The following LMAN2 variants were observed in gnomAD, a reference collection of about 807,000 sequenced individuals.
The protein encoded by LMAN2 is lectin, mannose binding 2, also known as vesicular integral-membrane protein VIP36.
In LMAN2, 22 loss-of-function variants were observed where a neutral mutation model predicts 39.3. The observed-to-expected ratio is 0.56, with a 90% CI of 0.40 to 0.80. LMAN2 has a LOEUF of 0.80. Ranked by LOEUF, LMAN2 falls within the 30% of genes least tolerant of loss-of-function variation. The pLI is 0.00. For missense variants in LMAN2, 494 were observed against 505.4 expected (o/e 0.98, Z 0.22); for synonymous variants, 207 against 207.8 (o/e 1.00, Z 0.03).
chr5:177,331,812 G>T lies in LMAN2; in HGVS notation c.*274C>A. 2.9e-6 allele frequency: 1 copy of T among 340,316 alleles called. No homozygotes were observed. The allele number at this position is 340,316 out of a possible 1,614,324, so 21.1% of individuals were successfully genotyped here. ...CTCCAGTGTTCAACAGCTGCCTGCAGGGGCCACAGCCCATCTGTAGACACA... is the reference window on the plus strand; with the variant it reads ...CTCCAGTGTTCAACAGCTGCCTGCATGGGCCACAGCCCATCTGTAGACACA... On this transcript the variant is annotated 3_prime_UTR_variant, in exon 8 of 8. Transcript: ENST00000303127.
chr5:177,336,985 CG>C, intron 6 of LMAN2, 150 bp downstream of exon 6: 3 of 633,270 alleles, frequency 4.7e-6, no homozygotes, highest in Admixed American at 2.6e-5. Context: ...AACTGAGGCC[CG>C]GACAGGCCAT....
At chr5:177,349,566 T>G (rs529597893) in intron 2 of LMAN2, among the ~76,000 whole-genome samples, 4 of 152,344 alleles carry the variant, frequency 2.6e-5, no homozygotes, top group Middle Eastern at 3.4e-3. Flanking sequence ...CTCAGTCCTG[T>G]GACATCCTCG....
chr5:177,338,394 G>A (rs11748912), intron 3 of LMAN2, 94 bp downstream of exon 3: 314,653 of 953,532 alleles, frequency 0.33, 57,690 homozygotes, highest in African/African-American at 0.66. Context: ...TGGTCCCCAC[G>A]AGCCACAGGC....
rs780125875 is a variant in LMAN2, at chr5:177,332,158, G to A, written c.999C>T (p.Gly333=). Residue 333 remains glycine, a synonymous_variant, in exon 8 of 8, where the codon GGC becomes GGT. Coordinates refer to ENST00000303127, the MANE Select transcript of LMAN2 (RefSeq NM_006816.3). This position sits in a 1 kb window ranked among gnomAD's most constrained non-coding sequence, Gnocchi z 6.3. ...CCCCCACCACGGCGCAGACAACGAT[G>A]CCCAGGAGAGCGCACAGCAGCAGCA... ...VFLLLLCALL[G]IVVCAVVGAV... 2.5e-6 allele frequency: 4 copies of A among 1,613,654 alleles called. No homozygotes were observed. Among genetic ancestry groups the A allele is most frequent in the Middle Eastern group, 3.3e-4 (2 of 6,058 alleles).
chr5:177,336,152 G>A (rs1233707148), intron 6 of LMAN2, among the ~76,000 whole-genome samples: 1 of 152,234 alleles, frequency 6.6e-6, no homozygotes, highest in Admixed American at 6.5e-5. Flanking sequence ...TGGGGACACA[G>A]GAGGGGGCAC....
intron 6 of LMAN2, among the ~76,000 whole-genome samples, chr5:177,335,512 C>T (rs1372317903): frequency 6.6e-6 from 1 of 152,196 alleles, no homozygotes. Flanking sequence ...TGAGAGCTGC[C>T]ACCGGCCACA....
rs1244852261 is a variant in LMAN2, at chr5:177,351,546, A to C, written c.102T>G (p.Phe34Leu). 6.2e-7 allele frequency: 1 copy of C among 1,614,254 alleles called. No homozygotes were observed. Among genetic ancestry groups the C allele is most frequent in the Admixed American group, 1.7e-5 (1 of 60,036 alleles). ...TCACAGACCCCAACAACAAAAGAAG[A>C]AAGAGAGGTGTAGTGGGGCCAGGGC... ...GPGPGPTTPL[F>L]LLLLLGSVTA... The change falls in exon 1 of 8, where the codon TTT becomes TTG. Residue 34 changes from phenylalanine (F) to leucine (L), a missense_variant. Coordinates refer to ENST00000303127, the MANE Select transcript of LMAN2 (RefSeq NM_006816.3).
intron 7 of LMAN2, among the ~76,000 whole-genome samples, chr5:177,333,482 C>T (rs1488780173): frequency 6.6e-6 from 1 of 152,248 alleles, no homozygotes; most frequent in Non-Finnish European, 1.5e-5. Context: ...CAAAACATTT[C>T]AAAATAATCT....
Position 177,332,325 on chromosome 5 carries a change from G to C in LMAN2, c.911-79C>G. ...GGGCTGCAGGAGGGCAGTGGGGATGGAACAGGACAGCCGGCCACGGTGGGC... is the reference window on the plus strand; with the variant it reads ...GGGCTGCAGGAGGGCAGTGGGGATGCAACAGGACAGCCGGCCACGGTGGGC... On this transcript the variant is annotated intron_variant, in intron 7 of 7. Transcript: ENST00000303127. This position sits in a 1 kb window ranked among gnomAD's most constrained non-coding sequence, Gnocchi z 6.3. 1 of 1,364,700 alleles carries C rather than the reference G, an allele frequency of 7.3e-7. No individual in the cohort carries two copies. Among genetic ancestry groups the C allele is most frequent in the Non-Finnish European group, 1.0e-6 (1 of 984,510 alleles). 84.5% of individuals were successfully genotyped at this position (1,364,700 alleles called of 1,614,324 possible). A position where few individuals can be genotyped will look rare whatever the true frequency, so the allele number is the denominator to read the frequency against.
At position 177,345,140 on chromosome 5, in the gene LMAN2, G is replaced by A. The variant is rs371889618; in HGVS notation, c.315+6033C>T. Among the ~76,000 whole-genome samples, 21 of 146,702 alleles carry A rather than the reference G, an allele frequency of 1.4e-4. No individual in the cohort carries two copies. In the East Asian group the frequency reaches 2.4e-3, roughly 17 times the overall value. On this transcript the variant is annotated intron_variant, in intron 2 of 7. Transcript: ENST00000303127. ...TGGACTGCTTGAGCCCAGAGTTCAC[G>A]ACCAGCCTAGTCAACATGGTGAAAC... is the stretch of plus-strand genomic sequence containing the variant.
At chr5:177,338,991 CA>C (rs1438578808) in intron 2 of LMAN2, among the ~76,000 whole-genome samples, 1 of 152,248 alleles carries the variant, frequency 6.6e-6, no homozygotes, top group Non-Finnish European at 1.5e-5. Context: ...GCAGACGTTA[CA>C]ACTCCTATTT....
chr5:177,350,177 G>A (rs894667858), intron 2 of LMAN2, among the ~76,000 whole-genome samples: 3 of 152,152 alleles, frequency 2.0e-5, no homozygotes, highest in African/African-American at 7.2e-5. Context: ...CAGAGGGGAC[G>A]GGCAGACCAG....
At chr5:177,342,257 G>A (rs1761564973) in intron 2 of LMAN2, among the ~76,000 whole-genome samples, 1 of 152,152 alleles carries the variant, frequency 6.6e-6, no homozygotes, top group Non-Finnish European at 1.5e-5. Context: ...TGTAGTCCCA[G>A]CACCTTGGGA....
At chr5:177,336,682 T>TA (rs1412742629) in intron 6 of LMAN2, among the ~76,000 whole-genome samples, 3 of 152,188 alleles carry the variant, frequency 2.0e-5, no homozygotes, top group Non-Finnish European at 4.4e-5. Context: ...ATGGGCAAGA[T>TA]GTGGCCTCAG....
At chr5:177,350,148 G>T (rs1761699046) in intron 2 of LMAN2, among the ~76,000 whole-genome samples, 1 of 152,308 alleles carries the variant, frequency 6.6e-6, no homozygotes, top group Admixed American at 6.5e-5. Flanking sequence ...GAGGCTCGGG[G>T]CAGGAAGGAG....
chr5:177,351,661 C>A lies in LMAN2; in HGVS notation c.-14G>T. ...TTCCGCCGCCATTCTCCTCTCCTCT[C>A]GGCCACTTCCGCCCTAGAACTTCCG... On this transcript the variant is annotated 5_prime_UTR_variant, in exon 1 of 8. Transcript: ENST00000303127. 1.9e-6 allele frequency: 3 copies of A among 1,563,706 alleles called. No homozygotes were observed. The highest frequency in any genetic ancestry group is 2.6e-6 in the Non-Finnish European group (3 of 1,158,474).
At chr5:177,334,247 G>T (rs759076284) in intron 7 of LMAN2, 37 bp downstream of exon 7, 8 of 1,588,558 alleles carry the variant, frequency 5.0e-6, no homozygotes, top group Non-Finnish European at 6.9e-6. Context: ...GGGTCAGGCC[G>T]CCCAGGCCCA....
At position 177,337,504 on chromosome 5, in the gene LMAN2, C is replaced by A; in HGVS notation, c.534G>T (p.Ser178=). The A allele has an allele frequency of 1.9e-6, 3 of 1,614,104 alleles. No homozygotes were observed. The highest frequency in any genetic ancestry group is 2.5e-6 in the Non-Finnish European group (3 of 1,180,018). Residue 178 remains serine, a synonymous_variant, in exon 5 of 8, where the codon TCG becomes TCT. Coordinates refer to ENST00000303127, the MANE Select transcript of LMAN2 (RefSeq NM_006816.3). This position sits in a 1 kb window ranked among gnomAD's most constrained non-coding sequence, Gnocchi z 8.2. ...ETTERVFPYI[S]VMVNNGSLSY... ...ACAGGGAGCCATTGTTCACCATCAC[C>A]GAGATGTACGGGAACACGCGCTGGG...
intron 2 of LMAN2, chr5:177,346,364 A>T (rs1761638050): frequency 1.4e-6 from 1 of 710,082 alleles, no homozygotes; most frequent in Non-Finnish European, 2.0e-6. Context: ...GAGATTAAGC[A>T]GATTACTTCC....
Sources: gnomAD v4.1 joint callset for allele counts (sites outside exome capture counted in the v4.1 genomes callset) on GRCh38, gnomAD v4.1.1 for gene constraint, Gnocchi (gnomAD v3.1) non-coding constraint, MANE v1.5 for transcripts, NCBI Gene and HGNC (gene_info 2026-07-23, HGNC 2026-07-21) for gene names.